MAML3: variants seen among roughly 807,000 people sequenced by gnomAD.
MAML3 encodes mastermind-like protein 3.
Under a neutral mutation model 101.9 loss-of-function variants are expected in MAML3, and 27 were observed. That is an observed-to-expected ratio of 0.27 (90% CI 0.20 to 0.37). The LOEUF is 0.37. MAML3 is among the 10% of genes least tolerant of loss of function. MAML3 has a pLI of 1.00. For missense variants in MAML3, 1,316 were observed against 1,444.9 expected (o/e 0.91, Z 1.45); for synonymous variants, 501 against 555.9 (o/e 0.90, Z 1.39).
chr4:139,864,923 C>CTTGTTT (rs56928318), intron 2 of MAML3, among the ~76,000 whole-genome samples: 2,077 of 62,428 alleles, frequency 0.033, 771 homozygotes, highest in African/African-American at 0.06. Context: ...TGCAAACTTG[C>CTTGTTT]TTTTTTTTTT....
rs1376990923 is a variant in MAML3 at position 139,785,018 on chromosome 4, T to C, written c.2080-54351A>G. Among the ~76,000 whole-genome samples the C allele has an allele frequency of 2.0e-5, 3 of 152,182 alleles. No homozygotes were observed. The highest frequency in any genetic ancestry group is 7.2e-5 in the African/African-American group (3 of 41,422). On this transcript the variant is annotated intron_variant, in intron 2 of 4. Coordinates refer to ENST00000509479, the MANE Select transcript of MAML3 (RefSeq NM_018717.5). The surrounding 1 kb of genome is among the most constrained non-coding windows in gnomAD (Gnocchi z 4.3). ...TACCTTATTCGGGTGATGTATACAC[T>C]AAAAGCCCAGATTTCATCATCACAC... is the stretch of plus-strand genomic sequence containing the variant.
At chr4:139,895,940 T>G (rs1171480927) in intron 1 of MAML3, among the ~76,000 whole-genome samples, 1 of 152,264 alleles carries the variant, frequency 6.6e-6, no homozygotes, top group Non-Finnish European at 1.5e-5. Flanking sequence ...TTCATGTATC[T>G]GCATTTTGGA....
chr4:139,941,303 C>T (rs550835792), intron 1 of MAML3, among the ~76,000 whole-genome samples: 7 of 152,254 alleles, frequency 4.6e-5, no homozygotes, highest in African/African-American at 1.2e-4. Flanking sequence ...GGTTTTCTTA[C>T]GGTATTATGC....
chr4:139,730,763 T>A (rs1728674283), intron 2 of MAML3, 96 bp from the exon 3 acceptor site: 1 of 1,153,248 alleles, frequency 8.7e-7, no homozygotes, highest in Non-Finnish European at 1.2e-6. Context: ...GGGGCAGAAG[T>A]CCCAGCTTAT....
At chr4:140,125,378 G>A (rs2111031339) in intron 1 of MAML3, among the ~76,000 whole-genome samples, 1 of 152,178 alleles carries the variant, frequency 6.6e-6, no homozygotes, top group Admixed American at 6.5e-5. Flanking sequence ...GGCCAGCCTG[G>A]AAGCACAGCA....
At chr4:139,839,246 G>A (rs1257892142) in intron 2 of MAML3, among the ~76,000 whole-genome samples, 1 of 152,094 alleles carries the variant, frequency 6.6e-6, no homozygotes, top group Admixed American at 6.5e-5. Flanking sequence ...CAGCAGCACC[G>A]GATCCTCTGT....
At chr4:139,953,858 A>C (rs947117661) in intron 1 of MAML3, among the ~76,000 whole-genome samples, 2 of 151,842 alleles carry the variant, frequency 1.3e-5, no homozygotes, top group Non-Finnish European at 2.9e-5. Flanking sequence ...GCTCTTAGAG[A>C]CTCTCCTTTC....
chr4:139,986,774 C>T (rs1008856312), intron 1 of MAML3, among the ~76,000 whole-genome samples: 1 of 152,116 alleles, frequency 6.6e-6, no homozygotes, highest in Non-Finnish European at 1.5e-5. Flanking sequence ...CTCTGGTTAA[C>T]GCAGGAAACA....
chr4:140,025,937 T>G (rs1403741595), intron 1 of MAML3, among the ~76,000 whole-genome samples: 6 of 152,304 alleles, frequency 3.9e-5, no homozygotes, highest in East Asian at 1.9e-4. Context: ...AATGTGTGAG[T>G]TTGTGTGCAT....
intron 2 of MAML3, among the ~76,000 whole-genome samples, chr4:139,792,049 A>G (rs1730424030): frequency 6.6e-6 from 1 of 152,238 alleles, no homozygotes; most frequent in African/African-American, 2.4e-5. Context: ...ATTAATGCAG[A>G]CAGCGCTACA....
At chr4:140,081,738 C>T (rs904077350) in intron 1 of MAML3, among the ~76,000 whole-genome samples, 4 of 152,144 alleles carry the variant, frequency 2.6e-5, no homozygotes, top group African/African-American at 9.7e-5. Context: ...GGAAACAGAC[C>T]TCACACTGCA....
At chr4:140,004,815 A>G (rs566596862) in intron 1 of MAML3, among the ~76,000 whole-genome samples, 5 of 151,738 alleles carry the variant, frequency 3.3e-5, no homozygotes, top group Admixed American at 3.3e-4. Context: ...GTCATTTCCT[A>G]GCCGAAAGGA....
chr4:140,078,010 C>A (rs866692424), intron 1 of MAML3, among the ~76,000 whole-genome samples: 4 of 125,276 alleles, frequency 3.2e-5, no homozygotes, highest in African/African-American at 1.2e-4. Flanking sequence ...GAGCAAGACT[C>A]CGTCTCAAAT....
chr4:140,150,444 G>C (rs1198796500), intron 1 of MAML3, among the ~76,000 whole-genome samples: 1 of 152,112 alleles, frequency 6.6e-6, no homozygotes, highest in African/African-American at 2.4e-5. Flanking sequence ...GTTTCTGGTC[G>C]CAAACTCTAC....
At chr4:139,906,531 T>C (rs1732824372) in intron 1 of MAML3, among the ~76,000 whole-genome samples, 1 of 152,208 alleles carries the variant, frequency 6.6e-6, no homozygotes, top group Non-Finnish European at 1.5e-5. Context: ...AGGGCCATAA[T>C]GTAACTCAGA....
At chr4:140,075,477 T>C (rs985271331) in intron 1 of MAML3, among the ~76,000 whole-genome samples, 2 of 152,238 alleles carry the variant, frequency 1.3e-5, no homozygotes, top group African/African-American at 2.4e-5. Flanking sequence ...AAAGAACATA[T>C]ATGTATGTGC....
chr4:140,003,218 T>C (rs1258774131), intron 1 of MAML3, among the ~76,000 whole-genome samples: 1 of 152,212 alleles, frequency 6.6e-6, no homozygotes, highest in East Asian at 1.9e-4. Flanking sequence ...GTTCTGCTTT[T>C]ACTACACCAC....
At chr4:140,071,133 T>C (rs889394378) in intron 1 of MAML3, among the ~76,000 whole-genome samples, 1 of 152,232 alleles carries the variant, frequency 6.6e-6, no homozygotes, top group Non-Finnish European at 1.5e-5. Flanking sequence ...ACCTTGTCAT[T>C]GTTGGGAGGA....
intron 1 of MAML3, among the ~76,000 whole-genome samples, chr4:140,107,638 G>T (rs1185148095): frequency 2.6e-5 from 4 of 151,524 alleles, no homozygotes; most frequent in African/African-American, 9.7e-5. Flanking sequence ...CTGAGTAGCT[G>T]GGATTACAGG....
Sources: gnomAD v4.1 joint callset for allele counts (sites outside exome capture counted in the v4.1 genomes callset) on GRCh38, gnomAD v4.1.1 for gene constraint, Gnocchi (gnomAD v3.1) non-coding constraint, MANE v1.5 for transcripts, NCBI Gene and HGNC (gene_info 2026-07-23, HGNC 2026-07-21) for gene names.